CSMD3: variants seen among roughly 807,000 people sequenced by gnomAD.
The protein encoded by CSMD3 is CUB and Sushi multiple domains 3, also known as CUB and sushi domain-containing protein 3.
CSMD3 carries 177 observed loss-of-function variants against 435.2 expected under a neutral mutation model. The ratio of observed to expected loss-of-function variants is 0.41; its 90% CI spans 0.36 to 0.46. CSMD3 has a LOEUF of 0.46. Among genes scored for constraint, CSMD3 ranks in the 20% least tolerant of loss-of-function variants. The probability of loss-of-function intolerance (pLI) is 0.34; values close to 1 mark genes in which losing one functional copy is unlikely to be tolerated. For synonymous variants in CSMD3, 1,656 were observed against 1,520.5 expected, an observed-to-expected ratio of 1.09 and a Z score of -2.07; for missense variants, 4,265 against 4,504.6, an observed-to-expected ratio of 0.95 and a Z score of 1.52.
At chr8:112,814,180 G>C (rs954019895) in intron 12 of CSMD3, among the ~76,000 whole-genome samples, 1 of 152,182 alleles carries the variant, frequency 6.6e-6, no homozygotes, top group Non-Finnish European at 1.5e-5. Flanking sequence ...AGGGGACAGA[G>C]AGAAGAGGAA....
intron 4 of CSMD3, among the ~76,000 whole-genome samples, chr8:113,133,427 T>G (rs778363742): frequency 1.3e-5 from 2 of 152,000 alleles, no homozygotes; most frequent in Non-Finnish European, 2.9e-5. Flanking sequence ...AAGCAAAAAA[T>G]AACAAGTGTT....
chr8:113,272,660 A>G (rs1563636038), intron 3 of CSMD3, among the ~76,000 whole-genome samples: 1 of 152,166 alleles, frequency 6.6e-6, no homozygotes, highest in East Asian at 1.9e-4. Context: ...TTTCCCCAGT[A>G]TTGGGTATGT....
At chr8:112,426,919 T>C (rs1200535798) in intron 32 of CSMD3, among the ~76,000 whole-genome samples, 1 of 152,208 alleles carries the variant, frequency 6.6e-6, no homozygotes, top group African/African-American at 2.4e-5. Flanking sequence ...CTTGCAATCA[T>C]TTCAAATACC....
intron 31 of CSMD3, among the ~76,000 whole-genome samples, chr8:112,490,052 C>A (rs1024497421): frequency 6.6e-6 from 1 of 152,012 alleles, no homozygotes; most frequent in Non-Finnish European, 1.5e-5. Flanking sequence ...ACACCTGATG[C>A]AAGATGTGAT....
At chr8:112,918,079 C>T (rs758538995) in intron 10 of CSMD3, among the ~76,000 whole-genome samples, 4 of 151,788 alleles carry the variant, frequency 2.6e-5, no homozygotes, top group Non-Finnish European at 5.9e-5. Context: ...TATATATTAT[C>T]TAGTTTTGTG....
chr8:112,698,631 GA>G lies in CSMD3; in HGVS notation c.1973-8582del, dbSNP rs1470987201. Reference sequence around the variant, plus strand: ...ATCAAAAGGACATAGAGGCCAGCTTGAAGAAGCTCCATTGGCTATTCTGGTG... The same window carrying G: ...ATCAAAAGGACATAGAGGCCAGCTTGAGAAGCTCCATTGGCTATTCTGGTG... On this transcript the variant is annotated intron_variant, in intron 13 of 70. Transcript: ENST00000297405. 3.9e-5 allele frequency among the ~76,000 whole-genome samples: 6 copies of G among 152,142 alleles called. No homozygotes were observed. The East Asian group carries it at 1.2e-3, about 29-fold the overall frequency.
intron 11 of CSMD3, among the ~76,000 whole-genome samples, chr8:112,847,475 T>C (rs1167596736): frequency 6.6e-6 from 1 of 152,130 alleles, no homozygotes; most frequent in Non-Finnish European, 1.5e-5. Context: ...TTGGATTTTG[T>C]CTGAAATTGC....
chr8:113,429,014 T>G (rs1007652240), intron 1 of CSMD3, among the ~76,000 whole-genome samples: 1 of 151,814 alleles, frequency 6.6e-6, no homozygotes, highest in African/African-American at 2.4e-5. Context: ...GAACTTAGCT[T>G]TTTAAGGGAA....
intron 13 of CSMD3, among the ~76,000 whole-genome samples, chr8:112,759,193 C>T (rs1034934090): frequency 2.6e-5 from 4 of 152,026 alleles, no homozygotes; most frequent in Non-Finnish European, 5.9e-5. Flanking sequence ...TTCTGACTTT[C>T]AGGAGGAAGA....
At chr8:113,414,651 CAAAAAA>C (rs780988317) in intron 1 of CSMD3, among the ~76,000 whole-genome samples, 1,396 of 85,078 alleles carry the variant, frequency 0.016, 16 homozygotes, top group African/African-American at 0.05. Context: ...TGCCCAAATA[CAAAAAA>C]AAAAAAAAAA....
intron 5 of CSMD3, among the ~76,000 whole-genome samples, chr8:113,085,240 C>CA (rs779586650): frequency 0.015 from 2,205 of 142,662 alleles, 29 homozygotes; most frequent in Middle Eastern, 0.056. Flanking sequence ...ACAACTCAGC[C>CA]AAAAAAAAAC....
Position 112,346,119 on chromosome 8 carries a change from T to C in CSMD3, c.6420A>G (p.Thr2140=). The part of the protein sequence containing the change: ...NYPSSLDCTW[T]INLPIGFGVH... Reference sequence around the variant, plus strand: ...TACCAAAACCTATGGGTAGATTTATTGTCCATGTGCAATCTAAACTGCTGG... The same window carrying C: ...TACCAAAACCTATGGGTAGATTTATCGTCCATGTGCAATCTAAACTGCTGG... The change falls in exon 41 of 71, where the codon ACA becomes ACG. Residue 2140 remains threonine, a synonymous_variant. Coordinates refer to ENST00000297405, the MANE Select transcript of CSMD3 (RefSeq NM_198123.2). 6.2e-7 allele frequency: 1 copy of C among 1,603,084 alleles called. No homozygotes were observed. Among genetic ancestry groups the C allele is most frequent in the Non-Finnish European group, 8.5e-7 (1 of 1,169,992 alleles).
intron 17 of CSMD3, among the ~76,000 whole-genome samples, chr8:112,657,261 C>T (rs1435363758): frequency 5.9e-5 from 9 of 152,022 alleles, no homozygotes; most frequent in African/African-American, 2.2e-4. Context: ...CAGGGTTTCA[C>T]CATCTTGGCC....
intron 13 of CSMD3, among the ~76,000 whole-genome samples, chr8:112,798,342 T>A (rs1446685659): frequency 2.6e-5 from 4 of 151,800 alleles, no homozygotes; most frequent in Non-Finnish European, 4.4e-5. Flanking sequence ...GGAGATTTTT[T>A]ATTTTATCTC....
intron 32 of CSMD3, among the ~76,000 whole-genome samples, chr8:112,419,415 A>C (rs1033528333): frequency 3.3e-4 from 50 of 152,326 alleles, no homozygotes; most frequent in Non-Finnish European, 4.9e-4. Flanking sequence ...TGTAGTAATT[A>C]GGAAATACAA....
chr8:112,479,484 T>C (rs552251352), intron 31 of CSMD3, among the ~76,000 whole-genome samples: 2 of 152,312 alleles, frequency 1.3e-5, no homozygotes, highest in East Asian at 3.9e-4. Context: ...TTCAGAGATC[T>C]TTCAGGCAGC....
At chr8:113,340,094 G>T (rs563427034) in intron 1 of CSMD3, among the ~76,000 whole-genome samples, 1 of 151,858 alleles carries the variant, frequency 6.6e-6, no homozygotes, top group Non-Finnish European at 1.5e-5. Context: ...TATGTGTTAT[G>T]TGTTTGTTCC....
intron 1 of CSMD3, among the ~76,000 whole-genome samples, chr8:113,350,155 G>C (rs1478265539): frequency 1.3e-5 from 2 of 151,958 alleles, no homozygotes; most frequent in African/African-American, 4.8e-5. Context: ...CATAGATAAA[G>C]GCATGAGTGA....
At chr8:112,594,346 G>C (rs890923272) in intron 22 of CSMD3, among the ~76,000 whole-genome samples, 1 of 152,098 alleles carries the variant, frequency 6.6e-6, no homozygotes, top group African/African-American at 2.4e-5. Context: ...ATTATATCCC[G>C]CACCCGGCTC....
Sources: gnomAD v4.1 joint callset for allele counts (sites outside exome capture counted in the v4.1 genomes callset) on GRCh38, gnomAD v4.1.1 for gene constraint, MANE v1.5 for transcripts, NCBI Gene and HGNC (gene_info 2026-07-23, HGNC 2026-07-21) for gene names.